RBPJ: variants seen among roughly 807,000 people sequenced by gnomAD.
RBPJ encodes the protein recombination signal binding protein for immunoglobulin kappa J region.
Under a neutral mutation model 67.8 loss-of-function variants are expected in RBPJ, and 9 were observed. That is an observed-to-expected ratio of 0.13 (90% CI 0.08 to 0.23). The LOEUF (loss-of-function observed/expected upper bound fraction) is 0.23, where lower values mean the gene tolerates loss of function less well. RBPJ is among the 10% of genes least tolerant of loss of function. RBPJ has a pLI of 1.00. For synonymous variants in RBPJ, 198 were observed against 203.3 expected, an observed-to-expected ratio of 0.97 and a Z score of 0.22; for missense variants, 305 against 595.6, an observed-to-expected ratio of 0.51 and a Z score of 5.08.
chr4:26,246,323 T>A (rs1186853246), intron 1 of RBPJ, among the ~76,000 whole-genome samples: 1 of 152,238 alleles, frequency 6.6e-6, no homozygotes, highest in African/African-American at 2.4e-5. Flanking sequence ...TTTTTGATGC[T>A]GTCATAAATA....
upstream of RBPJ, among the ~76,000 whole-genome samples, chr4:26,318,013 C>T (rs2109313694): frequency 6.6e-6 from 1 of 152,228 alleles, no homozygotes; most frequent in East Asian, 1.9e-4. Context: ...AGGGCTTTGT[C>T]CTCCTCCTGA....
At chr4:26,252,202 T>G (rs1720138612) in intron 1 of RBPJ, among the ~76,000 whole-genome samples, 1 of 152,098 alleles carries the variant, frequency 6.6e-6, no homozygotes, top group South Asian at 2.1e-4. Context: ...TTTGTACCCA[T>G]TAAGTAATTT....
the RBPJ span, among the ~76,000 whole-genome samples, chr4:26,124,902 G>A: frequency 1.7e-4 from 26 of 152,222 alleles, no homozygotes; most frequent in African/African-American, 6.3e-4. Context: ...ATGTCCTTAT[G>A]TGGCACACGA....
Position 26,178,796 on chromosome 4 carries a change from C to T in RBPJ, c.-167+15182C>T, listed in dbSNP as rs191612001. Among the ~76,000 whole-genome samples the T allele has an allele frequency of 8.0e-5, 12 of 150,840 alleles. 1 individual carries two copies. Among genetic ancestry groups the T allele is most frequent in the East Asian group, 5.9e-4 (3 of 5,104 alleles). On this transcript the variant is annotated intron_variant, in intron 1 of 4. Coordinates refer to the RBPJ transcript ENST00000512351. The stretch of plus-strand genomic sequence containing the variant: ...GTGCCGTTTGGAATTTTTACAAAAC[C>T]GTTGCTTGCTGATTTAGTTAATAAT...
chr4:26,174,233 G>GAGATT (rs1413193624), intron 1 of RBPJ, among the ~76,000 whole-genome samples: 1 of 152,200 alleles, frequency 6.6e-6, no homozygotes, highest in African/African-American at 2.4e-5. Context: ...CTAGTGAGAT[G>GAGATT]ACCTTTACCT....
intron 1 of RBPJ, among the ~76,000 whole-genome samples, chr4:26,341,007 A>C (rs1439208045): frequency 6.6e-6 from 1 of 152,206 alleles, no homozygotes; most frequent in Non-Finnish European, 1.5e-5. Flanking sequence ...AGACAGCTGG[A>C]TATAAAGTTT....
intron 1 of RBPJ, among the ~76,000 whole-genome samples, chr4:26,195,993 G>C (rs1717748095): frequency 7.7e-6 from 1 of 129,156 alleles, no homozygotes; most frequent in Non-Finnish European, 1.8e-5. Flanking sequence ...AGAGGAAACA[G>C]AGAGAGAGAG....
chr4:26,376,605 G>A (rs1729769130), intron 1 of RBPJ, among the ~76,000 whole-genome samples: 1 of 152,190 alleles, frequency 6.6e-6, no homozygotes, highest in Non-Finnish European at 1.5e-5. Context: ...GTGTACAACT[G>A]TCTTTTAATT....
intron 1 of RBPJ, among the ~76,000 whole-genome samples, chr4:26,194,964 T>C (rs1717698821): frequency 6.6e-6 from 1 of 152,236 alleles, no homozygotes; most frequent in Non-Finnish European, 1.5e-5. Flanking sequence ...TGAGCTCTCT[T>C]TCTGAACTGA....
At chr4:26,225,422 A>C (rs183919727) in intron 1 of RBPJ, among the ~76,000 whole-genome samples, 1 of 152,258 alleles carries the variant, frequency 6.6e-6, no homozygotes, top group African/African-American at 2.4e-5. Flanking sequence ...TAATGGAGAC[A>C]GTAAAAATAT....
chr4:26,266,311 A>T (rs1272096885), intron 1 of RBPJ, among the ~76,000 whole-genome samples: 1 of 152,226 alleles, frequency 6.6e-6, no homozygotes, highest in East Asian at 1.9e-4. Context: ...ACACAGGCTT[A>T]CTTAATTTAT....
chr4:26,425,551 A>G (rs932251095), intron 7 of RBPJ, among the ~76,000 whole-genome samples: 4 of 152,110 alleles, frequency 2.6e-5, no homozygotes, highest in Non-Finnish European at 5.9e-5. Context: ...CAAGGCTGCA[A>G]TGAGCGGTGA....
chr4:26,275,663 G>C (rs376907334), intron 1 of RBPJ, among the ~76,000 whole-genome samples: 3 of 152,058 alleles, frequency 2.0e-5, no homozygotes, highest in Non-Finnish European at 2.9e-5. Context: ...ACGGAGTCTC[G>C]TACTGTTGCC....
intron 1 of RBPJ, among the ~76,000 whole-genome samples, chr4:26,271,238 C>G (rs1409824101): frequency 6.6e-6 from 1 of 152,102 alleles, no homozygotes; most frequent in Non-Finnish European, 1.5e-5. Context: ...CATAGGTATG[C>G]ATGTATAGGA....
chr4:26,279,864 T>A (rs1176837016), intron 1 of RBPJ, among the ~76,000 whole-genome samples: 1 of 149,192 alleles, frequency 6.7e-6, no homozygotes, highest in African/African-American at 2.5e-5. Context: ...CAAGGCTCAC[T>A]GCAGCCTCGA....
At chr4:26,365,284 A>G (rs1418416667) in intron 1 of RBPJ, among the ~76,000 whole-genome samples, 4 of 152,098 alleles carry the variant, frequency 2.6e-5, no homozygotes, top group Non-Finnish European at 5.9e-5. Flanking sequence ...AAAATAAGCC[A>G]TCACTATTTG....
intron 1 of RBPJ, among the ~76,000 whole-genome samples, chr4:26,365,935 A>G (rs959963617): frequency 6.6e-6 from 1 of 152,232 alleles, no homozygotes; most frequent in African/African-American, 2.4e-5. Flanking sequence ...CTTGGCATGT[A>G]TTGTGATGGT....
At chr4:26,165,875 C>G (rs1255794759) in intron 1 of RBPJ, among the ~76,000 whole-genome samples, 1 of 127,952 alleles carries the variant, frequency 7.8e-6, no homozygotes. Context: ...CCTCCCCCCA[C>G]CCCACAACAG....
chr4:26,210,686 C>CTTTCTTTCCTTTCTTT (rs56289492), intron 1 of RBPJ, among the ~76,000 whole-genome samples: 29 of 65,432 alleles, frequency 4.4e-4, no homozygotes, highest in African/African-American at 1.4e-3. Context: ...TTCTTTCTTT[C>CTTTCTTTCCTTTCTTT]CTTTCTTTCT....
Sources: gnomAD v4.1 joint callset for allele counts (sites outside exome capture counted in the v4.1 genomes callset) on GRCh38, gnomAD v4.1.1 for gene constraint, MANE v1.5 for transcripts, NCBI Gene and HGNC (gene_info 2026-07-23, HGNC 2026-07-21) for gene names.